The following KIF23 variants were observed in gnomAD, a reference collection of about 807,000 sequenced individuals.
KIF23 encodes the protein kinesin-like protein KIF23.
KIF23 carries 30 observed loss-of-function variants against 137.5 expected under a neutral mutation model. The ratio of observed to expected loss-of-function variants is 0.22; its 90% confidence interval spans 0.16 to 0.30. The LOEUF (loss-of-function observed/expected upper bound fraction) is 0.30. Among genes scored for constraint, KIF23 ranks in the 10% least tolerant of loss-of-function variants. The pLI, the probability that KIF23 is intolerant of heterozygous loss-of-function variation, is 1.00. For synonymous variants in KIF23, 367 were observed against 391.1 expected, an observed-to-expected ratio of 0.94 and a Z score of 0.73; for missense variants, 920 against 1,194.3, an observed-to-expected ratio of 0.77 and a Z score of 3.38.
intron 7 of KIF23, among the ~76,000 whole-genome samples, 194 bp from the exon 8 acceptor site, chr15:69,425,088 A>C (rs1293531929): frequency 1.3e-5 from 2 of 152,148 alleles, no homozygotes; most frequent in Non-Finnish European, 2.9e-5. Flanking sequence ...ATTCAGATTT[A>C]ATTTGTTAGG....
intron 1 of KIF23, chr15:69,414,699 C>T (rs1030227407): frequency 9.2e-6 from 4 of 435,394 alleles, no homozygotes; most frequent in East Asian, 7.4e-5. Context: ...CCCGCCGCCC[C>T]GCCTGGGCCT....
In KIF23 at chr15:69,429,577, G is replaced by A. The variant is rs188694264; in HGVS notation, c.1114+364G>A. Among the ~76,000 whole-genome samples, 3 of 152,174 alleles carry A rather than the reference G, an allele frequency of 2.0e-5. No homozygotes were observed. The East Asian group carries it at 5.8e-4, about 29-fold the overall frequency. On this transcript the variant is annotated intron_variant, in intron 11 of 23. Coordinates refer to ENST00000679126, the MANE Select transcript of KIF23 (RefSeq NM_001367805.3). ...CACCTTGGCCGCCCCAAAGTCTTGG[G>A]ATTACAGGAATGAGCCACTGTAACC...
At chr15:69,429,057 C>T in intron 10 of KIF23, 54 bp from the exon 11 acceptor site, 1 of 1,180,132 alleles carries the variant, frequency 8.5e-7, no homozygotes. Flanking sequence ...ATTTAAAGAA[C>T]ATTATAAACC....
rs753271557 is a variant in KIF23 at position 69,446,263 on chromosome 15, T to C, written c.2757-20T>C. 3.1e-6 allele frequency: 5 copies of C among 1,608,658 alleles called. No homozygotes were observed. The highest frequency in any genetic ancestry group is 4.3e-6 in the Non-Finnish European group (5 of 1,174,988). On this transcript the variant is annotated intron_variant, in intron 21 of 23. Coordinates refer to ENST00000679126, the MANE Select transcript of KIF23 (RefSeq NM_001367805.3). ...CTTAGATGGAAAAATAATTGTTGCA[T>C]CATGTTTCCCCTTTTTCAGTAGTCG...
chr15:69,417,313 T>G, intron 2 of KIF23, 70 bp from the exon 3 acceptor site: 39 of 1,387,190 alleles, frequency 2.8e-5, no homozygotes, highest in Non-Finnish European at 3.4e-5. Context: ...AATGAATGAA[T>G]GAGAAGCTTA....
At chr15:69,434,879 G>A in intron 11 of KIF23, 2 of 736,076 alleles carry the variant, frequency 2.7e-6, no homozygotes, top group African/African-American at 1.7e-5. Flanking sequence ...TAGCTGCGCG[G>A]CCATGCTTGC....
At chr15:69,446,189 T>A in intron 21 of KIF23, 94 bp from the exon 22 acceptor site, 1 of 1,436,672 alleles carries the variant, frequency 7.0e-7, no homozygotes. Flanking sequence ...TCATTAATTC[T>A]CCAAAGGGAT....
chr15:69,432,561 G>A (rs1007360968), intron 11 of KIF23, among the ~76,000 whole-genome samples: 2 of 151,994 alleles, frequency 1.3e-5, no homozygotes, highest in Non-Finnish European at 2.9e-5. Context: ...AAAGGCTACA[G>A]GGCTGCAGCA....
chr15:69,448,025 A>G lies in KIF23; in HGVS notation c.*218A>G, dbSNP rs948524689. 2.7e-6 allele frequency: 1 copy of G among 371,830 alleles called. No individual in the cohort carries two copies. The allele number at this position is 371,830 out of a possible 1,614,324, so 23.0% of individuals were successfully genotyped here. ...CCTTGTATAGTATATGTTTTGCCAT[A>G]TTTAATATTAATAGCAGAGGAAGAC... On this transcript the variant is annotated 3_prime_UTR_variant, in exon 24 of 24. Coordinates refer to ENST00000679126, the MANE Select transcript of KIF23 (RefSeq NM_001367805.3).
rs774802370 is a variant in KIF23 at position 69,417,463 on chromosome 15, T to G, written c.162T>G (p.Leu54=). 9.9e-6 allele frequency: 16 copies of G among 1,613,822 alleles called. No homozygotes were observed. Among genetic ancestry groups the G allele is most frequent in the Non-Finnish European group, 1.3e-5 (15 of 1,179,916 alleles). The part of the protein sequence containing the change: ...IEVINNTTVQ[L]HTPEGYRLNR... The stretch of plus-strand genomic sequence containing the variant: ...TGATCAATAATACAACTGTTCAGCT[T>G]CATACTCCTGAGGGCTACAGACTCA... Residue 54 remains leucine, a synonymous_variant, in exon 3 of 24, where the codon CTT becomes CTG. Transcript: ENST00000679126.
chr15:69,422,032 T>G lies in KIF23; in HGVS notation c.357T>G (p.Thr119=). The G allele has an allele frequency of 6.2e-7, 1 of 1,614,102 alleles. No individual in the cohort carries two copies. The highest frequency in any genetic ancestry group is 1.7e-5 in the Admixed American group (1 of 60,022). ...ATGGTGTGACGGGAAGTGGAAAAAC[T>G]CACACAATGACTGGTTCTCCAGGGG... ...FTYGVTGSGK[T]HTMTGSPGEG... Residue 119 remains threonine, a synonymous_variant, in exon 5 of 24, where the codon ACT becomes ACG. Coordinates refer to ENST00000679126, the MANE Select transcript of KIF23 (RefSeq NM_001367805.3).
At chr15:69,424,135 C>A (rs1198910374) in intron 7 of KIF23, among the ~76,000 whole-genome samples, 1 of 152,074 alleles carries the variant, frequency 6.6e-6, no homozygotes, top group Non-Finnish European at 1.5e-5. Flanking sequence ...AGAATACATA[C>A]CAGTATATCC....
Position 69,416,049 on chromosome 15 carries a change from A to T in KIF23, c.67A>T (p.Lys23Ter). Residue 23 changes from lysine (K) to a stop codon, truncating the protein, a stop_gained, in exon 2 of 24, where the codon AAA becomes TAA. Coordinates refer to ENST00000679126, the MANE Select transcript of KIF23 (RefSeq NM_001367805.3). LOFTEE classifies it high-confidence loss of function. ...GAAAAAAGGGTCCCAAACGAACCTTAAAGACCCAGTTGGGGTAAGGTATCC... is the reference window on the plus strand; with the variant it reads ...GAAAAAAGGGTCCCAAACGAACCTTTAAGACCCAGTTGGGGTAAGGTATCC... ...TVKKGSQTNL[K>*]DPVGVYCRVR... 1 of 1,575,306 alleles carries T rather than the reference A, an allele frequency of 6.3e-7. No homozygotes were observed. The highest frequency in any genetic ancestry group is 8.6e-7 in the Non-Finnish European group (1 of 1,168,462).
chr15:69,443,800 G>A (rs2057684069), intron 19 of KIF23: 1 of 151,972 alleles, frequency 6.6e-6, no homozygotes, highest in Non-Finnish European at 1.5e-5. Context: ...TTGTTTTTGA[G>A]GCAGGGTCTC....
chr15:69,437,389 A>C (rs368076969), intron 15 of KIF23, among the ~76,000 whole-genome samples: 49 of 152,028 alleles, frequency 3.2e-4, no homozygotes, highest in African/African-American at 1.2e-3. Context: ...AAGATAAAGT[A>C]TGAAAATCCT....
At chr15:69,447,487 A>G (rs1202401964) in intron 23 of KIF23, among the ~76,000 whole-genome samples, 1 of 152,142 alleles carries the variant, frequency 6.6e-6, no homozygotes, top group Non-Finnish European at 1.5e-5. Context: ...AAATACATAC[A>G]TATATGTATA....
intron 4 of KIF23, 48 bp from the exon 5 acceptor site, chr15:69,421,944 A>G (rs777380027): frequency 1.3e-6 from 2 of 1,596,152 alleles, no homozygotes; most frequent in East Asian, 4.5e-5. Context: ...AAATACTCTA[A>G]GTGGAGAACT....
At chr15:69,435,440 T>C (rs1297800232) in intron 11 of KIF23, 43 bp from the exon 12 acceptor site, 1 of 1,458,026 alleles carries the variant, frequency 6.9e-7, no homozygotes, top group Non-Finnish European at 9.6e-7. Flanking sequence ...TTAGCTACTA[T>C]ACTGTTGTTC....
intron 16 of KIF23, among the ~76,000 whole-genome samples, chr15:69,439,074 G>A (rs900031851): frequency 1.3e-4 from 20 of 151,682 alleles, no homozygotes; most frequent in African/African-American, 4.9e-4. Flanking sequence ...CTCCAGCCTA[G>A]GTGACAGAGC....
Sources: allele counts gnomAD v4.1 joint callset (sites outside exome capture counted in the v4.1 genomes callset), GRCh38; gene constraint gnomAD v4.1.1; transcripts MANE v1.5; gene names NCBI Gene and HGNC (gene_info 2026-07-23, HGNC 2026-07-21).